CUX1: variants seen among roughly 807,000 people sequenced by gnomAD.
CUX1 encodes the protein protein CASP.
Under a neutral mutation model 158.8 loss-of-function variants are expected in CUX1, and 31 were observed. The ratio of observed to expected loss-of-function variants is 0.20; its 90% CI spans 0.15 to 0.26. CUX1 has a LOEUF of 0.26. Among genes scored for constraint, CUX1 ranks in the 10% least tolerant of loss-of-function variants. CUX1 has a pLI of 1.00. For synonymous variants in CUX1, 879 were observed against 862.1 expected (o/e 1.02, Z -0.34); for missense variants, 1,589 against 2,014.6 (o/e 0.79, Z 4.04).
rs1335963657 is a variant in CUX1, at chr7:102,250,899, T to C, written c.*1857T>C. On this transcript the variant is annotated 3_prime_UTR_variant, in exon 24 of 24. Coordinates refer to ENST00000292535, the MANE Select transcript of CUX1 (RefSeq NM_181552.4). ...AAGCTGTTTTATCAGTTACGGCTTC[T>C]ACAAGTTTGCTAATTTAGACTTCTT... 1 of 985,416 alleles carries C rather than the reference T, an allele frequency of 1.0e-6. No homozygotes were observed. The highest frequency in any genetic ancestry group is 1.2e-6 in the Non-Finnish European group (1 of 829,922). 61.0% of individuals were successfully genotyped at this position (985,416 alleles called of 1,614,324 possible).
Position 102,250,902 on chromosome 7 carries a change from A to G in CUX1, c.*1860A>G. On this transcript the variant is annotated 3_prime_UTR_variant, in exon 24 of 24. Transcript: ENST00000292535. ...CTGTTTTATCAGTTACGGCTTCTAC[A>G]AGTTTGCTAATTTAGACTTCTTTAT... The G allele has an allele frequency of 1.0e-6, 1 of 985,342 alleles. No individual in the cohort carries two copies. The allele number at this position is 985,342 out of a possible 1,614,324, so 61.0% of individuals were successfully genotyped here. A position where few individuals can be genotyped will look rare whatever the true frequency, so the allele number is the denominator to read the frequency against.
intron 20 of CUX1, among the ~76,000 whole-genome samples, chr7:102,214,798 A>T (rs1161052322): frequency 6.6e-6 from 1 of 152,248 alleles, no homozygotes; most frequent in South Asian, 2.1e-4. Context: ...GGAGGCTTCC[A>T]TCGGGGCCTC....
chr7:102,072,029 G>A (rs1426917913), intron 4 of CUX1, among the ~76,000 whole-genome samples: 2 of 152,208 alleles, frequency 1.3e-5, no homozygotes, highest in African/African-American at 4.8e-5. Context: ...TTCACGAGGA[G>A]GCTCCTTCAC....
At chr7:101,884,028 G>A (rs1461990187) in intron 1 of CUX1, among the ~76,000 whole-genome samples, 1 of 151,892 alleles carries the variant, frequency 6.6e-6, no homozygotes, top group Non-Finnish European at 1.5e-5. Flanking sequence ...TGAGTAGCTG[G>A]GACAGCAGGT....
chr7:101,893,374 TA>T (rs1324647201), intron 1 of CUX1, among the ~76,000 whole-genome samples: 3 of 152,100 alleles, frequency 2.0e-5, no homozygotes, highest in African/African-American at 7.2e-5. Context: ...GGATTCCTTT[TA>T]AAATTTTAAT....
chr7:102,060,959 C>G (rs1293985443), intron 3 of CUX1, among the ~76,000 whole-genome samples: 1 of 130,824 alleles, frequency 7.6e-6, no homozygotes, highest in African/African-American at 3.0e-5. Flanking sequence ...CTGTGTCTCA[C>G]TCTAGCCCAG....
intron 1 of CUX1, among the ~76,000 whole-genome samples, chr7:101,886,415 G>A (rs990224050): frequency 2.5e-4 from 38 of 152,066 alleles, no homozygotes; most frequent in African/African-American, 7.7e-4. Flanking sequence ...TGCCCAGGCT[G>A]GTCTCAATCT....
intron 2 of CUX1, among the ~76,000 whole-genome samples, chr7:101,996,746 A>G (rs1419203314): frequency 2.1e-5 from 3 of 141,920 alleles, no homozygotes; most frequent in Admixed American, 7.7e-5. Context: ...CCTACCCTTC[A>G]TTGACCTTTC....
At chr7:101,820,485 C>A (rs1792341941) in intron 1 of CUX1, among the ~76,000 whole-genome samples, 1 of 152,122 alleles carries the variant, frequency 6.6e-6, no homozygotes, top group Admixed American at 6.5e-5. Context: ...TATACAGGAT[C>A]CAGGATCGTG....
At chr7:102,246,570 C>CT (rs1398957292) in intron 23 of CUX1, among the ~76,000 whole-genome samples, 2 of 58,034 alleles carry the variant, frequency 3.4e-5, no homozygotes, top group Admixed American at 2.5e-4. Context: ...CCCAGAAAAC[C>CT]TTTGTTTTTT....
chr7:102,200,765 C>T (rs1554519411), intron 17 of CUX1, among the ~76,000 whole-genome samples: 1 of 151,994 alleles, frequency 6.6e-6, no homozygotes, highest in Non-Finnish European at 1.5e-5. Context: ...CGCGGTGGCT[C>T]ACACCTGCAA....
intron 20 of CUX1, 60 bp from the exon 21 acceptor site, chr7:102,227,307 G>C: frequency 7.0e-7 from 1 of 1,433,644 alleles, no homozygotes; most frequent in Non-Finnish European, 9.6e-7. Context: ...AAGGAACGTA[G>C]ATGGTCGTGG....
chr7:102,039,545 C>CT (rs1821811638), intron 3 of CUX1, among the ~76,000 whole-genome samples: 1 of 151,378 alleles, frequency 6.6e-6, no homozygotes, highest in Admixed American at 6.6e-5. Flanking sequence ...GTCCCAGCTA[C>CT]TTGGGAGGCT....
At position 102,060,496 on chromosome 7, in the gene CUX1, G is replaced by A. The variant is rs574261314; in HGVS notation, c.190-9843G>A. Among the ~76,000 whole-genome samples the A allele has an allele frequency of 2.3e-4, 35 of 151,768 alleles. No homozygotes were observed. The East Asian group carries it at 6.6e-3, about 28-fold the overall frequency. On this transcript the variant is annotated intron_variant, in intron 3 of 23. Coordinates refer to ENST00000292535, the MANE Select transcript of CUX1 (RefSeq NM_181552.4). ...GGTTCCCACATTTATAATCACAACA[G>A]CTCAACAAGGAGGGAGTTACTACCC...
At chr7:102,020,881 G>GA (rs398067126) in intron 2 of CUX1, among the ~76,000 whole-genome samples, 10,585 of 130,436 alleles carry the variant, frequency 0.081, 407 homozygotes, top group Non-Finnish European at 0.086. Flanking sequence ...ACTCGGTTTG[G>GA]AAAAAAAAAA....
rs1198095154 is a variant in CUX1 at position 102,250,002 on chromosome 7, C to G, written c.*960C>G. 2.0e-6 allele frequency: 2 copies of G among 979,372 alleles called. No homozygotes were observed. The highest frequency in any genetic ancestry group is 2.4e-6 in the Non-Finnish European group (2 of 828,900). 60.7% of individuals were successfully genotyped at this position (979,372 alleles called of 1,614,324 possible). On this transcript the variant is annotated 3_prime_UTR_variant, in exon 24 of 24. Transcript: ENST00000292535. Reference sequence around the variant, plus strand: ...TTAACTGACCCTGGGTTTTGCAGACCAGGGTTTGTTTAATACACTCCATTC... The same window carrying G: ...TTAACTGACCCTGGGTTTTGCAGACGAGGGTTTGTTTAATACACTCCATTC...
chr7:102,248,387 G>A lies in CUX1; in HGVS notation c.3888-25G>A. On this transcript the variant is annotated intron_variant, in intron 23 of 23. Transcript: ENST00000292535. This position sits in a 1 kb window ranked among gnomAD's most constrained non-coding sequence, Gnocchi z 5.8. ...CTTTCCCCAGCAGCACCCCCCTCACGTCCCCGCCGCTTGTTGTCTTGTAGG... is the reference window on the plus strand; with the variant it reads ...CTTTCCCCAGCAGCACCCCCCTCACATCCCCGCCGCTTGTTGTCTTGTAGG... 1.3e-6 allele frequency: 2 copies of A among 1,564,140 alleles called. No individual in the cohort carries two copies. The highest frequency in any genetic ancestry group is 1.7e-6 in the Non-Finnish European group (2 of 1,161,580).
At chr7:101,914,975 A>G (rs1584966954) in intron 1 of CUX1, among the ~76,000 whole-genome samples, 1 of 152,158 alleles carries the variant, frequency 6.6e-6, no homozygotes, top group East Asian at 1.9e-4. Flanking sequence ...GGGGTGGAGA[A>G]GGAGAGGCTC....
chr7:102,144,233 C>T (rs1294727380), intron 8 of CUX1, among the ~76,000 whole-genome samples: 5 of 152,136 alleles, frequency 3.3e-5, no homozygotes, highest in South Asian at 2.1e-4. Context: ...CATCAGTGCA[C>T]GCTTTACAAT....
Sources: gnomAD v4.1 joint callset for allele counts (sites outside exome capture counted in the v4.1 genomes callset) on GRCh38, gnomAD v4.1.1 for gene constraint, Gnocchi (gnomAD v3.1) non-coding constraint, MANE v1.5 for transcripts, NCBI Gene and HGNC (gene_info 2026-07-23, HGNC 2026-07-21) for gene names.